Variants in TMEM131L observed in about 807,000 individuals in gnomAD.
The protein encoded by TMEM131L is transmembrane 131 like, also known as transmembrane protein 131-like.
A neutral mutation model predicts 192.2 loss-of-function variants in TMEM131L; 54 were observed. The observed-to-expected ratio is 0.28, with a 90% CI of 0.23 to 0.35. TMEM131L has a LOEUF of 0.35. TMEM131L is among the 10% of genes least tolerant of loss of function. TMEM131L has a pLI of 1.00. For synonymous variants in TMEM131L, 701 were observed against 704.9 expected (o/e 0.99, Z 0.09); for missense variants, 1,888 against 1,972.9 (o/e 0.96, Z 0.82).
chr4:153,538,863 C>T (rs1405224564), intron 3 of TMEM131L, among the ~76,000 whole-genome samples: 4 of 152,214 alleles, frequency 2.6e-5, no homozygotes, highest in Non-Finnish European at 4.4e-5. Flanking sequence ...ATCTCCTACT[C>T]GTGGGACAAG....
At chr4:153,492,161 T>C (rs1312860086) in intron 3 of TMEM131L, among the ~76,000 whole-genome samples, 1 of 147,598 alleles carries the variant, frequency 6.8e-6, no homozygotes, top group Non-Finnish European at 1.5e-5. Flanking sequence ...GCCACCATGC[T>C]TAGCTAATTA....
chr4:153,488,078 G>A (rs1240631178), intron 3 of TMEM131L, among the ~76,000 whole-genome samples: 1 of 150,284 alleles, frequency 6.7e-6, no homozygotes, highest in African/African-American at 2.5e-5. Flanking sequence ...AGAGACCCTG[G>A]TGAGCCTGTG....
At chr4:153,535,003 G>GTGA (rs1736206676) in intron 3 of TMEM131L, among the ~76,000 whole-genome samples, 1 of 152,088 alleles carries the variant, frequency 6.6e-6, no homozygotes, top group Admixed American at 6.5e-5. Context: ...GAGCAGAGCA[G>GTGA]TGATGCCATT....
chr4:153,481,782 C>T (rs193013114), intron 3 of TMEM131L, among the ~76,000 whole-genome samples: 106 of 152,314 alleles, frequency 7.0e-4, no homozygotes, highest in African/African-American at 2.5e-3. Flanking sequence ...AAGTGATCCA[C>T]CCGCCTTAGC....
intron 3 of TMEM131L, among the ~76,000 whole-genome samples, chr4:153,510,003 A>G (rs954931425): frequency 6.6e-6 from 1 of 152,272 alleles, no homozygotes; most frequent in East Asian, 1.9e-4. Flanking sequence ...GTAGAATGCT[A>G]CCTTTTCATT....
intron 3 of TMEM131L, among the ~76,000 whole-genome samples, chr4:153,514,880 G>A (rs1022580476): frequency 2.0e-5 from 3 of 151,528 alleles, no homozygotes; most frequent in Admixed American, 6.6e-5. Context: ...TGACGCAATC[G>A]TGGCTCACTG....
At chr4:153,560,274 C>T (rs886419768) in intron 7 of TMEM131L, among the ~76,000 whole-genome samples, 6 of 152,184 alleles carry the variant, frequency 3.9e-5, no homozygotes, top group African/African-American at 1.4e-4. Context: ...ACTCCCTGCA[C>T]CTCACCTGGG....
At position 153,539,208 on chromosome 4, in the gene TMEM131L, C is replaced by T. The variant is rs550734448; in HGVS notation, c.240-10865C>T. On this transcript the variant is annotated intron_variant, in intron 3 of 34. Coordinates refer to ENST00000409959, the MANE Select transcript of TMEM131L (RefSeq NM_001131007.2). Reference sequence around the variant, plus strand: ...GGAAAAAAACCCAACAAAACAAACACCCAGCAGTCCTCTGACTTGTGTTAA... The same window carrying T: ...GGAAAAAAACCCAACAAAACAAACATCCAGCAGTCCTCTGACTTGTGTTAA... 2.5e-4 allele frequency among the ~76,000 whole-genome samples: 38 copies of T among 152,310 alleles called. No individual in the cohort carries two copies. In the South Asian group the frequency reaches 7.5e-3, roughly 30 times the overall value.
chr4:153,519,656 A>C (rs1349368305), intron 3 of TMEM131L, among the ~76,000 whole-genome samples: 1 of 152,234 alleles, frequency 6.6e-6, no homozygotes, highest in East Asian at 1.9e-4. Flanking sequence ...AGAGACATGC[A>C]TTTAGTACAT....
At chr4:153,541,838 C>G (rs1390916370) in intron 3 of TMEM131L, among the ~76,000 whole-genome samples, 1 of 152,224 alleles carries the variant, frequency 6.6e-6, no homozygotes, top group Non-Finnish European at 1.5e-5. Flanking sequence ...GCTGAGAACC[C>G]CACCCCATCA....
intron 25 of TMEM131L, among the ~76,000 whole-genome samples, chr4:153,612,017 T>TCCCC (rs70963192): frequency 6.6e-6 from 1 of 151,596 alleles, no homozygotes; most frequent in Non-Finnish European, 1.5e-5. Flanking sequence ...AATATTGGTG[T>TCCCC]CCCCCCCCAC....
At chr4:153,614,043 G>A (rs913933358) in intron 26 of TMEM131L, among the ~76,000 whole-genome samples, 10 of 152,296 alleles carry the variant, frequency 6.6e-5, no homozygotes, top group Admixed American at 2.6e-4. Flanking sequence ...CCAGGGTGCC[G>A]TGGAAAGCTC....
At chr4:153,537,580 G>A (rs1736429729) in intron 3 of TMEM131L, among the ~76,000 whole-genome samples, 1 of 152,180 alleles carries the variant, frequency 6.6e-6, no homozygotes, top group Non-Finnish European at 1.5e-5. Context: ...AACTGTCATG[G>A]CGCTGGTGGA....
intron 7 of TMEM131L, among the ~76,000 whole-genome samples, chr4:153,562,360 T>C (rs1019184503): frequency 2.6e-5 from 4 of 152,204 alleles, no homozygotes; most frequent in African/African-American, 9.7e-5. Context: ...AGGCTTGCTA[T>C]ACCTAAAAAC....
At chr4:153,571,814 G>A (rs1184958677) in intron 7 of TMEM131L, among the ~76,000 whole-genome samples, 1 of 152,118 alleles carries the variant, frequency 6.6e-6, no homozygotes, top group East Asian at 1.9e-4. Flanking sequence ...ACCTGCCTCG[G>A]TCTACCAAAG....
In TMEM131L at chr4:153,558,347, C is replaced by A. The variant is rs755768768; in HGVS notation, c.639C>A (p.Ser213Arg). The change falls in exon 7 of 35, where the codon AGC becomes AGA. Residue 213 changes from serine (S) to arginine (R), a missense_variant. Physicochemically the swap from Ser to Arg is moderately radical, Grantham distance 110 (BLOSUM62 -1). Coordinates refer to ENST00000409959, the MANE Select transcript of TMEM131L (RefSeq NM_001131007.2). ...ATTTTCTGCTTCCAAAGGTCCAGAG[C>A]ATTCAGCTGTCTCAAATGCAGGTCA... ...NAYFLLPKVQ[S>R]IQLSQMQAET... 6.2e-7 allele frequency: 1 copy of A among 1,604,106 alleles called. No individual in the cohort carries two copies.
intron 9 of TMEM131L, 41 bp from the exon 10 acceptor site, chr4:153,583,149 G>A (rs761283891): frequency 1.0e-6 from 1 of 986,998 alleles, no homozygotes; most frequent in South Asian, 1.3e-5. Flanking sequence ...TTTAATCTCT[G>A]ATTAAATACT....
chr4:153,546,015 T>C (rs1737146377), intron 3 of TMEM131L, among the ~76,000 whole-genome samples: 1 of 152,104 alleles, frequency 6.6e-6, no homozygotes, highest in African/African-American at 2.4e-5. Flanking sequence ...CCTCAGTAGT[T>C]GGGACTACCA....
At chr4:153,556,850 A>G in intron 5 of TMEM131L, 116 bp from the exon 6 acceptor site, 2 of 632,696 alleles carry the variant, frequency 3.2e-6, no homozygotes, top group South Asian at 2.0e-5. Context: ...AATACTGATA[A>G]GGGTGCACAA....
Sources: allele counts gnomAD v4.1 joint callset (sites outside exome capture counted in the v4.1 genomes callset), GRCh38; gene constraint gnomAD v4.1.1; transcripts MANE v1.5; gene names NCBI Gene and HGNC (gene_info 2026-07-23, HGNC 2026-07-21).